HPSE2: variants seen among roughly 807,000 people sequenced by gnomAD.
The protein encoded by HPSE2 is heparanase 2 (inactive).
HPSE2 carries 38 observed loss-of-function variants against 60.5 expected under a neutral mutation model. That is an observed-to-expected ratio of 0.63 (90% CI 0.48 to 0.82). The LOEUF (loss-of-function observed/expected upper bound fraction) is 0.82, where lower values mean the gene tolerates loss of function less well. Ranked by LOEUF, HPSE2 falls within the 40% of genes least tolerant of loss-of-function variation. The pLI is 0.00. For synonymous variants in HPSE2, 295 were observed against 293.2 expected (o/e 1.01, Z -0.06); for missense variants, 713 against 740.4 (o/e 0.96, Z 0.43).
chr10:98,512,577 T>C (rs938899175), intron 9 of HPSE2, among the ~76,000 whole-genome samples: 2 of 116,750 alleles, frequency 1.7e-5, no homozygotes, highest in African/African-American at 5.7e-5. Flanking sequence ...AGAGTGAGAC[T>C]GCGTCTCAAA....
At chr10:99,039,859 C>T (rs1358895213) in intron 3 of HPSE2, among the ~76,000 whole-genome samples, 8 of 152,104 alleles carry the variant, frequency 5.3e-5, no homozygotes, top group Admixed American at 3.3e-4. Context: ...TTTAATCCAA[C>T]TGTCTCACTT....
chr10:99,240,692 G>A (rs775369970), upstream of HPSE2, among the ~76,000 whole-genome samples: 1 of 152,036 alleles, frequency 6.6e-6, no homozygotes, highest in African/African-American at 2.4e-5. Flanking sequence ...GATTACAGGC[G>A]TGAGCCACCA....
At chr10:98,522,399 T>C (rs1374342902) in intron 9 of HPSE2, among the ~76,000 whole-genome samples, 1 of 151,996 alleles carries the variant, frequency 6.6e-6, no homozygotes, top group Non-Finnish European at 1.5e-5. Flanking sequence ...AAGAGCAAAG[T>C]GTGAGGCAGT....
At chr10:98,915,648 C>T (rs532072707) in intron 3 of HPSE2, among the ~76,000 whole-genome samples, 1 of 152,192 alleles carries the variant, frequency 6.6e-6, no homozygotes, top group Non-Finnish European at 1.5e-5. Context: ...ATGCCCCAGT[C>T]TCTGGTCTTT....
chr10:98,658,924 T>C (rs1947150259), intron 6 of HPSE2, among the ~76,000 whole-genome samples: 1 of 152,034 alleles, frequency 6.6e-6, no homozygotes, highest in Non-Finnish European at 1.5e-5. Context: ...TTTTTTTTTT[T>C]TTTTAATTGA....
At chr10:98,726,630 T>TATTATA (rs1949089016) in intron 4 of HPSE2, among the ~76,000 whole-genome samples, 1 of 143,614 alleles carries the variant, frequency 7.0e-6, no homozygotes, top group South Asian at 2.2e-4. Context: ...AAACTTAAAG[T>TATTATA]ATAATAATAA....
At chr10:98,639,522 T>TC (rs1265233941) in intron 7 of HPSE2, among the ~76,000 whole-genome samples, 28 of 152,176 alleles carry the variant, frequency 1.8e-4, no homozygotes, top group African/African-American at 5.8e-4. Context: ...CTACTGTTCC[T>TC]CCCAGTGACA....
chr10:98,820,223 A>G (rs776235522), intron 3 of HPSE2, among the ~76,000 whole-genome samples: 1 of 152,128 alleles, frequency 6.6e-6, no homozygotes, highest in Non-Finnish European at 1.5e-5. Context: ...ACTCTCTTGC[A>G]GTATGTTGAT....
intron 2 of HPSE2, among the ~76,000 whole-genome samples, chr10:99,211,577 T>C (rs905382303): frequency 6.6e-6 from 1 of 152,008 alleles, no homozygotes; most frequent in Non-Finnish European, 1.5e-5. Context: ...CTCAACTGAT[T>C]TTTGACAAAA....
intron 3 of HPSE2, among the ~76,000 whole-genome samples, chr10:99,016,305 C>T (rs1957140365): frequency 6.6e-6 from 1 of 152,116 alleles, no homozygotes; most frequent in Admixed American, 6.5e-5. Flanking sequence ...TTCCCCATTG[C>T]TTATTTTTAT....
At chr10:98,526,789 C>T (rs1487017661) in intron 9 of HPSE2, among the ~76,000 whole-genome samples, 3 of 152,122 alleles carry the variant, frequency 2.0e-5, no homozygotes, top group Non-Finnish European at 4.4e-5. Flanking sequence ...CATGACTAGA[C>T]TAGGACCAGG....
chr10:98,637,444 C>G (rs1946527384), intron 7 of HPSE2, among the ~76,000 whole-genome samples: 1 of 152,138 alleles, frequency 6.6e-6, no homozygotes, highest in Admixed American at 6.5e-5. Flanking sequence ...ATAATAATAG[C>G]AATAAGAACT....
intron 4 of HPSE2, among the ~76,000 whole-genome samples, chr10:98,737,829 C>A (rs1286150098): frequency 8.5e-5 from 13 of 152,054 alleles, no homozygotes; most frequent in Non-Finnish European, 1.5e-5. Context: ...TAAGAGAGGA[C>A]ACAAACAAGT....
chr10:98,626,115 AAAG>A lies in HPSE2; in HGVS notation c.1099-5410_1099-5408del, dbSNP rs1233834775. Among the ~76,000 whole-genome samples, 452 of 92,326 alleles carry A rather than the reference AAAG, an allele frequency of 4.9e-3. 6 individuals are homozygous for A. The highest frequency in any genetic ancestry group is 0.015 in the African/African-American group (410 of 27,022). The allele number at this position is 92,326 out of a possible 152,430, so 60.6% of individuals were successfully genotyped here. On this transcript the variant is annotated intron_variant, in intron 7 of 11. Coordinates refer to ENST00000370552, the MANE Select transcript of HPSE2 (RefSeq NM_021828.5). ...AGCGAGACTCCGTCTCAAAAAAAAA[AAAG>A]AAAAAGAAAAAAGAAAAAAGATGAA...
At chr10:98,858,043 T>G (rs1952360456) in intron 3 of HPSE2, among the ~76,000 whole-genome samples, 1 of 152,196 alleles carries the variant, frequency 6.6e-6, no homozygotes, top group South Asian at 2.1e-4. Flanking sequence ...GTATCATACA[T>G]TATCTCATTC....
intron 9 of HPSE2, among the ~76,000 whole-genome samples, chr10:98,562,526 C>A (rs1001841987): frequency 6.6e-6 from 1 of 151,880 alleles, no homozygotes; most frequent in Non-Finnish European, 1.5e-5. Context: ...ACCATCCTGG[C>A]TAACAAGGTG....
In HPSE2 at chr10:98,775,626, A is replaced by G. The variant is rs1950323978; in HGVS notation, c.611-31570T>C. 2.0e-5 allele frequency among the ~76,000 whole-genome samples: 3 copies of G among 152,212 alleles called. No individual in the cohort carries two copies. The South Asian group carries it at 6.2e-4, about 31-fold the overall frequency. ...AGGAACTACTGCTAAATCTTCACTA[A>G]GAATGCTTTATCACCTATCTCTCTT... On this transcript the variant is annotated intron_variant, in intron 3 of 11. Coordinates refer to ENST00000370552, the MANE Select transcript of HPSE2 (RefSeq NM_021828.5).
intron 3 of HPSE2, among the ~76,000 whole-genome samples, chr10:98,822,621 C>A (rs529415913): frequency 6.6e-6 from 1 of 151,928 alleles, no homozygotes; most frequent in Non-Finnish European, 1.5e-5. Context: ...AATTAAAAGA[C>A]AAAGACTGTC....
At position 98,608,120 on chromosome 10, in the gene HPSE2, A is replaced by T. The variant is rs144916237; in HGVS notation, c.1320+6784T>A. On this transcript the variant is annotated intron_variant, in intron 9 of 11. Coordinates refer to ENST00000370552, the MANE Select transcript of HPSE2 (RefSeq NM_021828.5). Reference sequence around the variant, plus strand: ...TTTATTGATGCTTATAAATCCAAGGACATATAGCTAGTAAGTGGTAGAGCT... The same window carrying T: ...TTTATTGATGCTTATAAATCCAAGGTCATATAGCTAGTAAGTGGTAGAGCT... 4.1e-3 allele frequency among the ~76,000 whole-genome samples: 628 copies of T among 152,322 alleles called. 6 individuals are homozygous for T. The highest frequency in any genetic ancestry group is 0.014 in the African/African-American group (592 of 41,574).
Sources: allele counts gnomAD v4.1 joint callset (sites outside exome capture counted in the v4.1 genomes callset), GRCh38; gene constraint gnomAD v4.1.1; transcripts MANE v1.5; gene names NCBI Gene and HGNC (gene_info 2026-07-23, HGNC 2026-07-21).